RASGRP3: variants seen among roughly 807,000 people sequenced by gnomAD.
RASGRP3 encodes the protein RAS guanyl releasing protein 3, also known as ras guanyl-releasing protein 3.
A neutral mutation model predicts 82.7 loss-of-function variants in RASGRP3; 54 were observed. The ratio of observed to expected loss-of-function variants is 0.65; its 90% confidence interval spans 0.52 to 0.82. The LOEUF (loss-of-function observed/expected upper bound fraction) is 0.82, where lower values mean the gene tolerates loss of function less well. RASGRP3 is among the 40% of genes least tolerant of loss of function. RASGRP3 has a pLI of 0.00. For synonymous variants in RASGRP3, 309 were observed against 300.5 expected (o/e 1.03, Z -0.29); for missense variants, 861 against 828.9 (o/e 1.04, Z -0.48).
chr2:33,506,845 A>T (rs1279647397), intron 1 of RASGRP3, among the ~76,000 whole-genome samples: 2 of 152,214 alleles, frequency 1.3e-5, no homozygotes, highest in Admixed American at 1.3e-4. Context: ...GTTGTGGTCC[A>T]TTTACAATGA....
intron 1 of RASGRP3, among the ~76,000 whole-genome samples, chr2:33,495,848 CA>C (rs1273998968): frequency 6.6e-6 from 1 of 152,162 alleles, no homozygotes; most frequent in Non-Finnish European, 1.5e-5. Flanking sequence ...CACTTGGTCT[CA>C]ACTTGGGGAG....
intron 17 of RASGRP3, among the ~76,000 whole-genome samples, chr2:33,562,177 G>GGGT (rs975313640): frequency 5.9e-5 from 9 of 151,892 alleles, no homozygotes; most frequent in African/African-American, 1.9e-4. Context: ...AATGATTTGT[G>GGGT]GTACACCCTT....
chr2:33,485,352 C>G (rs889437231), intron 1 of RASGRP3, among the ~76,000 whole-genome samples: 31 of 152,326 alleles, frequency 2.0e-4, no homozygotes, highest in African/African-American at 7.0e-4. Flanking sequence ...TATCCCTGGA[C>G]TCTGGATTTG....
intron 12 of RASGRP3, chr2:33,539,463 T>C (rs1674011450): frequency 2.6e-5 from 9 of 344,646 alleles, no homozygotes; most frequent in Non-Finnish European, 4.8e-5. Flanking sequence ...TCACAGGCAT[T>C]TGCCACCTCT....
At chr2:33,516,712 A>G in intron 4 of RASGRP3, 68 bp downstream of exon 4, 1 of 1,064,402 alleles carries the variant, frequency 9.4e-7, no homozygotes, top group East Asian at 2.6e-5. Context: ...TAGAGTGTCT[A>G]TCCAAAGCCA....
Position 33,549,618 on chromosome 2 carries a change from G to T in RASGRP3, c.1409G>T (p.Ser470Ile). The T allele has an allele frequency of 4.3e-6, 7 of 1,613,028 alleles. No homozygotes were observed. Among genetic ancestry groups the T allele is most frequent in the Non-Finnish European group, 5.9e-6 (7 of 1,179,342 alleles). ...VLDKDQDGLI[S>I]KDEMMAYFLR... Reference sequence around the variant, plus strand: ...TCTCTTAACAGGGATGGCCTAATTAGTAAAGATGAAATGATGGCTTACTTC... The same window carrying T: ...TCTCTTAACAGGGATGGCCTAATTATTAAAGATGAAATGATGGCTTACTTC... The change falls in exon 14 of 18, where the codon AGT (serine) becomes ATT (isoleucine). Residue 470 changes from serine to isoleucine, a missense_variant. Coordinates refer to ENST00000403687, the MANE Select transcript of RASGRP3 (RefSeq NM_001139488.2).
At chr2:33,454,958 A>G (rs1170811781) in intron 2 of RASGRP3, among the ~76,000 whole-genome samples, 1 of 152,176 alleles carries the variant, frequency 6.6e-6, no homozygotes, top group Non-Finnish European at 1.5e-5. Context: ...AATGTGGCCA[A>G]AAAAAGAGAG....
rs192837565 is a variant in RASGRP3, at chr2:33,439,284, G to A, written c.-385+2693G>A. The stretch of plus-strand genomic sequence containing the variant: ...CTGTATGTGGAGCCAAATTAATGAC[G>A]TAGATAATGAGTGCCACCTAAGGAA... On this transcript the variant is annotated intron_variant, in intron 1 of 18. Coordinates refer to the RASGRP3 transcript ENST00000402538. 3.8e-3 allele frequency among the ~76,000 whole-genome samples: 575 copies of A among 152,306 alleles called. 4 individuals are homozygous for A. The highest frequency in any genetic ancestry group is 0.013 in the African/African-American group (561 of 41,570).
At chr2:33,449,064 G>C (rs537750284) in intron 2 of RASGRP3, among the ~76,000 whole-genome samples, 1 of 152,122 alleles carries the variant, frequency 6.6e-6, no homozygotes, top group Non-Finnish European at 1.5e-5. Context: ...TGCATACCAG[G>C]TATAACATGA....
chr2:33,463,905 A>T (rs950139929), intron 2 of RASGRP3, among the ~76,000 whole-genome samples: 1 of 151,422 alleles, frequency 6.6e-6, no homozygotes, highest in South Asian at 2.1e-4. Flanking sequence ...CAGCCCTTTC[A>T]TTCTTTTTAT....
chr2:33,545,713 A>G (rs909115029), intron 13 of RASGRP3, among the ~76,000 whole-genome samples: 3 of 152,238 alleles, frequency 2.0e-5, no homozygotes, highest in Admixed American at 1.3e-4. Context: ...AGCATATGAA[A>G]AAAAGCTCAA....
At chr2:33,498,544 T>C (rs1669545645) in intron 1 of RASGRP3, among the ~76,000 whole-genome samples, 1 of 152,200 alleles carries the variant, frequency 6.6e-6, no homozygotes, top group African/African-American at 2.4e-5. Flanking sequence ...TGATAGTCCC[T>C]CTCTCCCCTT....
At chr2:33,543,671 C>A in intron 13 of RASGRP3, 44 bp downstream of exon 13, 2 of 1,332,414 alleles carry the variant, frequency 1.5e-6, no homozygotes, top group Non-Finnish European at 1.1e-6. Context: ...TATCCTAAAG[C>A]AGAAAATTAT....
At chr2:33,476,216 T>A (rs1667353672), upstream of RASGRP3, 1 of 152,156 alleles carries the variant, frequency 6.6e-6, no homozygotes, top group Admixed American at 6.5e-5. Context: ...ACAGTTGTAC[T>A]CCGGGGTTAA....
At chr2:33,479,406 C>A (rs1303566392) in intron 1 of RASGRP3, among the ~76,000 whole-genome samples, 2 of 141,852 alleles carry the variant, frequency 1.4e-5, no homozygotes, top group Non-Finnish European at 3.3e-5. Flanking sequence ...CTTTGGAGGA[C>A]AGCCACTCCA....
In RASGRP3 at chr2:33,542,525, A is replaced by G. The variant is rs139913710; in HGVS notation, c.1279-987A>G. Reference sequence around the variant, plus strand: ...TGTATGCTTTAATTTTTGAGATAACACCTTAAAACTTTATTTTCTATTGTC... The same window carrying G: ...TGTATGCTTTAATTTTTGAGATAACGCCTTAAAACTTTATTTTCTATTGTC... On this transcript the variant is annotated intron_variant, in intron 12 of 17. Transcript: ENST00000403687. Among the ~76,000 whole-genome samples, 641 of 147,288 alleles carry G rather than the reference A, an allele frequency of 4.4e-3. 82 individuals are homozygous for G. Among genetic ancestry groups the G allele is most frequent in the Admixed American group, 0.037 (529 of 14,380 alleles).
chr2:33,467,142 G>A, intron 2 of RASGRP3, among the ~76,000 whole-genome samples: 1 of 151,922 alleles, frequency 6.6e-6, no homozygotes, highest in East Asian at 1.9e-4. Context: ...CTTTCTACAT[G>A]TTCCTCTTTT....
At chr2:33,493,231 T>C (rs1222031985) in intron 1 of RASGRP3, 5 of 152,214 alleles carry the variant, frequency 3.3e-5, no homozygotes, top group Non-Finnish European at 7.3e-5. Flanking sequence ...ACTGACAATG[T>C]GGGAAGCATT....
intron 13 of RASGRP3, 144 bp downstream of exon 13, chr2:33,543,771 T>C: frequency 1.6e-6 from 1 of 631,912 alleles, no homozygotes. Context: ...TGTCACTGAT[T>C]ATTTTCTTGG....
Sources: allele counts gnomAD v4.1 joint callset (sites outside exome capture counted in the v4.1 genomes callset), GRCh38; gene constraint gnomAD v4.1.1; transcripts MANE v1.5; gene names NCBI Gene and HGNC (gene_info 2026-07-23, HGNC 2026-07-21).